The following B4GALT6 variants were observed in gnomAD, a reference collection of about 807,000 sequenced individuals.
B4GALT6 encodes the protein beta-1,4-galactosyltransferase 6, also known as UDP-Gal:beta-GlcNAc beta-1,4-galactosyltransferase 6.
In B4GALT6, 14 loss-of-function variants were observed where a neutral mutation model predicts 46.3. That is an observed-to-expected ratio of 0.30 (90% CI 0.20 to 0.47). The LOEUF (loss-of-function observed/expected upper bound fraction) is 0.47. B4GALT6 is among the 20% of genes least tolerant of loss of function. B4GALT6 has a pLI of 0.99. For synonymous variants in B4GALT6, 168 were observed against 162.0 expected, an observed-to-expected ratio of 1.04 and a Z score of -0.28; for missense variants, 386 against 480.1, an observed-to-expected ratio of 0.80 and a Z score of 1.83.
intron 1 of B4GALT6, among the ~76,000 whole-genome samples, chr18:31,674,735 C>T (rs1438201629): frequency 6.6e-6 from 1 of 152,006 alleles, no homozygotes; most frequent in African/African-American, 2.4e-5. Context: ...ATGGTGTAAA[C>T]CCCAAAGTTA....
chr18:31,707,453 C>A, the B4GALT6 span, among the ~76,000 whole-genome samples: 2 of 151,904 alleles, frequency 1.3e-5, no homozygotes, highest in Non-Finnish European at 1.5e-5. Flanking sequence ...CGAGTTGTAG[C>A]TTTTGCCACA....
intron 1 of B4GALT6, among the ~76,000 whole-genome samples, chr18:31,678,371 C>T (rs1439554481): frequency 6.6e-6 from 1 of 152,092 alleles, no homozygotes; most frequent in Non-Finnish European, 1.5e-5. Context: ...AACTCTGCCT[C>T]ATTGTAATTA....
chr18:31,690,993 G>T, the B4GALT6 span, among the ~76,000 whole-genome samples: 2 of 151,906 alleles, frequency 1.3e-5, 1 homozygote, highest in South Asian at 4.1e-4. Flanking sequence ...TGTCAGTGGG[G>T]TGGGGGGCAA....
intron 1 of B4GALT6, among the ~76,000 whole-genome samples, chr18:31,672,796 G>A (rs954669090): frequency 6.6e-6 from 1 of 152,182 alleles, no homozygotes; most frequent in Non-Finnish European, 1.5e-5. Context: ...GTAAGTGGTG[G>A]AGCCAGAATT....
chr18:31,679,372 C>T (rs1193294423), intron 1 of B4GALT6, among the ~76,000 whole-genome samples: 1 of 152,202 alleles, frequency 6.6e-6, no homozygotes, highest in Non-Finnish European at 1.5e-5. Flanking sequence ...ACATATGCTA[C>T]TTAGGAATGG....
chr18:31,650,804 T>C (rs1040947027), intron 3 of B4GALT6, among the ~76,000 whole-genome samples: 3 of 152,104 alleles, frequency 2.0e-5, no homozygotes, highest in African/African-American at 4.8e-5. Context: ...AGTCTCGCTC[T>C]GTCACCCAGG....
chr18:31,696,087 G>T, the B4GALT6 span, among the ~76,000 whole-genome samples: 1 of 152,184 alleles, frequency 6.6e-6, no homozygotes, highest in Non-Finnish European at 1.5e-5. Flanking sequence ...TGGAGAGAGA[G>T]TTAGAAGGGT....
intron 3 of B4GALT6, among the ~76,000 whole-genome samples, chr18:31,652,081 T>C (rs1207018650): frequency 6.6e-6 from 1 of 152,084 alleles, no homozygotes; most frequent in Non-Finnish European, 1.5e-5. Flanking sequence ...CTTCTCTCCA[T>C]CCTTTCTTTC....
At chr18:31,722,141 A>G in the B4GALT6 span, among the ~76,000 whole-genome samples, 1 of 152,180 alleles carries the variant, frequency 6.6e-6, no homozygotes, top group African/African-American at 2.4e-5. Flanking sequence ...CATAGCTAGA[A>G]TAATTTGCAA....
At chr18:31,641,463 T>C (rs2073930031) in intron 4 of B4GALT6, among the ~76,000 whole-genome samples, 1 of 152,228 alleles carries the variant, frequency 6.6e-6, no homozygotes, top group Admixed American at 6.5e-5. Context: ...AAACAATATC[T>C]TAAAAGTTCA....
the B4GALT6 span, among the ~76,000 whole-genome samples, chr18:31,696,153 T>C: frequency 2.6e-5 from 4 of 152,096 alleles, no homozygotes; most frequent in Non-Finnish European, 4.4e-5. Flanking sequence ...CATGGGCACA[T>C]GGAGAGCAGA....
At chr18:31,631,776 TAATA>T (rs2073795065) in intron 5 of B4GALT6, among the ~76,000 whole-genome samples, 2 of 152,200 alleles carry the variant, frequency 1.3e-5, no homozygotes, top group Non-Finnish European at 2.9e-5. Context: ...TTAATGCTTA[TAATA>T]AATACCAAGA....
At chr18:31,685,322 C>T (rs1257963409), upstream of B4GALT6, among the ~76,000 whole-genome samples, 1 of 151,418 alleles carries the variant, frequency 6.6e-6, no homozygotes, top group Non-Finnish European at 1.5e-5. Flanking sequence ...GCCGGGGAGC[C>T]GGAAGAGCAG....
rs530982610 is a variant in B4GALT6, at chr18:31,625,632, A to G, written c.1131T>C (p.Ala377=). 6.2e-7 allele frequency: 1 copy of G among 1,613,352 alleles called. No homozygotes were observed. The highest frequency in any genetic ancestry group is 1.3e-5 in the African/African-American group (1 of 74,956). The change falls in exon 9 of 9, where the codon GCT becomes GCC. Residue 377 remains alanine, a synonymous_variant. Coordinates refer to ENST00000306851, the MANE Select transcript of B4GALT6 (RefSeq NM_004775.5). Reference sequence around the variant, plus strand: ...ACTTCTTTTAATAGTCTTCGATTGGAGCTAACTCTGGCATGAGGTTTACAG... The same window carrying G: ...ACTTCTTTTAATAGTCTTCGATTGGGGCTAACTCTGGCATGAGGTTTACAG... ...NISVNLMPEL[A]PIEDY
intron 1 of B4GALT6, among the ~76,000 whole-genome samples, chr18:31,681,532 G>C (rs991201660): frequency 1.3e-5 from 2 of 152,186 alleles, no homozygotes; most frequent in Non-Finnish European, 2.9e-5. Context: ...AAAATAATGA[G>C]CTTTGAGTTC....
At chr18:31,645,979 G>A (rs2073986491) in intron 3 of B4GALT6, among the ~76,000 whole-genome samples, 1 of 152,188 alleles carries the variant, frequency 6.6e-6, no homozygotes, top group South Asian at 2.1e-4. Context: ...CTCCTCCTCT[G>A]TAAAAAGGAC....
At chr18:31,679,182 G>C (rs1419558988) in intron 1 of B4GALT6, among the ~76,000 whole-genome samples, 1 of 152,154 alleles carries the variant, frequency 6.6e-6, no homozygotes, top group Non-Finnish European at 1.5e-5. Flanking sequence ...ACACACCTCT[G>C]CCTCACTCTG....
intron 5 of B4GALT6, among the ~76,000 whole-genome samples, chr18:31,636,924 C>T (rs1193445408): frequency 6.6e-6 from 1 of 152,248 alleles, no homozygotes; most frequent in African/African-American, 2.4e-5. Context: ...CAGGTTCAAG[C>T]ACTTCCCTGC....
At chr18:31,693,299 A>T in the B4GALT6 span, among the ~76,000 whole-genome samples, 3 of 152,194 alleles carry the variant, frequency 2.0e-5, no homozygotes, top group Non-Finnish European at 4.4e-5. Flanking sequence ...GTACACCAGT[A>T]CACAAGTACA....
Sources: allele counts gnomAD v4.1 joint callset (sites outside exome capture counted in the v4.1 genomes callset), GRCh38; gene constraint gnomAD v4.1.1; transcripts MANE v1.5; gene names NCBI Gene and HGNC (gene_info 2026-07-23, HGNC 2026-07-21).